RNF2: variants seen among roughly 807,000 people sequenced by gnomAD.
RNF2 encodes the protein ring finger protein 2, also known as E3 ubiquitin-protein ligase RING2.
A neutral mutation model predicts 37.2 loss-of-function variants in RNF2; 6 were observed. The observed-to-expected ratio is 0.16, with a 90% confidence interval of 0.09 to 0.32. RNF2 has a LOEUF of 0.32. RNF2 is among the 10% of genes least tolerant of loss of function. RNF2 has a pLI of 1.00. For synonymous variants in RNF2, 133 were observed against 132.7 expected, an observed-to-expected ratio of 1.00 and a Z score of -0.02; for missense variants, 251 against 404.0, an observed-to-expected ratio of 0.62 and a Z score of 3.25.
At position 185,073,959 on chromosome 1, in the gene RNF2, G is replaced by A. The variant is rs557201991; in HGVS notation, c.-2-13593G>A. Among the ~76,000 whole-genome samples the A allele has an allele frequency of 2.0e-5, 3 of 152,312 alleles. No individual in the cohort carries two copies. In the East Asian group the frequency reaches 5.8e-4, roughly 29 times the overall value. ...ACAAGAGACTGCCTCCACTTCAGAT[G>A]CCATTAAGCCCATGCCTCATGTACT... On this transcript the variant is annotated intron_variant, in intron 1 of 6. Coordinates refer to ENST00000367510, the MANE Select transcript of RNF2 (RefSeq NM_007212.4).
At chr1:185,084,739 A>G (rs1454429325) in intron 1 of RNF2, among the ~76,000 whole-genome samples, 2 of 152,260 alleles carry the variant, frequency 1.3e-5, no homozygotes, top group East Asian at 1.9e-4. Flanking sequence ...ACTAAGCGCA[A>G]TAATTTAGGA....
intron 1 of RNF2, among the ~76,000 whole-genome samples, chr1:185,067,919 C>G (rs1044392848): frequency 6.6e-6 from 1 of 151,264 alleles, no homozygotes; most frequent in Non-Finnish European, 1.5e-5. Flanking sequence ...CCGTGTTGGC[C>G]AGGATGGTCT....
chr1:185,069,131 A>T (rs1192093546), intron 1 of RNF2, among the ~76,000 whole-genome samples: 4 of 152,176 alleles, frequency 2.6e-5, no homozygotes, highest in Non-Finnish European at 5.9e-5. Context: ...GCTATTTATT[A>T]TGAATTCCTC....
At chr1:185,077,502 A>G (rs559508230) in intron 1 of RNF2, among the ~76,000 whole-genome samples, 139 of 152,246 alleles carry the variant, frequency 9.1e-4, no homozygotes, top group Middle Eastern at 6.8e-3. Flanking sequence ...CTAACTTATT[A>G]CGACTTTTAT....
chr1:185,046,255 C>G (rs1413280054), intron 1 of RNF2: 1 of 152,146 alleles, frequency 6.6e-6, no homozygotes, highest in East Asian at 1.9e-4. Context: ...CCTGGAGTGC[C>G]GCCTCCTGCT....
chr1:185,095,267 G>C (rs1354032567), intron 4 of RNF2, among the ~76,000 whole-genome samples: 3 of 152,202 alleles, frequency 2.0e-5, no homozygotes, highest in Admixed American at 2.0e-4. Context: ...CATTTCTAGT[G>C]GTGGGGCTGT....
intron 1 of RNF2, among the ~76,000 whole-genome samples, chr1:185,074,629 T>G (rs575412071): frequency 6.6e-6 from 1 of 152,192 alleles, no homozygotes; most frequent in Admixed American, 6.5e-5. Context: ...CCAGATACAG[T>G]CTGCCTTCCT....
At chr1:185,078,811 A>G (rs1651252941) in intron 1 of RNF2, among the ~76,000 whole-genome samples, 1 of 151,268 alleles carries the variant, frequency 6.6e-6, no homozygotes, top group Non-Finnish European at 1.5e-5. Flanking sequence ...TTGGGAGGCC[A>G]AGGCAGGCGG....
chr1:185,095,000 G>A (rs1651872123), intron 4 of RNF2, among the ~76,000 whole-genome samples: 1 of 152,148 alleles, frequency 6.6e-6, no homozygotes, highest in Admixed American at 6.5e-5. Flanking sequence ...CTGCTTTTAA[G>A]TTTCCATAGA....
chr1:185,058,523 A>G (rs1571296930), intron 1 of RNF2, among the ~76,000 whole-genome samples: 1 of 152,334 alleles, frequency 6.6e-6, no homozygotes, highest in East Asian at 1.9e-4. Flanking sequence ...GTAGAGGGAA[A>G]ACTGTAAAAA....
In RNF2 at chr1:185,101,185, G is replaced by C. The variant is rs1001318840; in HGVS notation, c.*884G>C. The C allele has an allele frequency of 5.9e-5, 9 of 152,396 alleles. No homozygotes were observed. The highest frequency in any genetic ancestry group is 2.1e-4 in the South Asian group (1 of 4,830). 9.4% of individuals were successfully genotyped at this position (152,396 alleles called of 1,614,324 possible). On this transcript the variant is annotated 3_prime_UTR_variant, in exon 7 of 7. Transcript: ENST00000367510. ...TTTTGCACTTTAGCCTTGATGAAAAGTACAAGATATGTTCAAAGCTTCCCT... is the reference window on the plus strand; with the variant it reads ...TTTTGCACTTTAGCCTTGATGAAAACTACAAGATATGTTCAAAGCTTCCCT...
chr1:185,050,979 T>C (rs1650252634), intron 1 of RNF2, among the ~76,000 whole-genome samples: 1 of 152,252 alleles, frequency 6.6e-6, no homozygotes, highest in Non-Finnish European at 1.5e-5. Context: ...CCACTCTTTG[T>C]TGTCTTTTTT....
At chr1:185,074,452 C>G (rs774539153) in intron 1 of RNF2, among the ~76,000 whole-genome samples, 12 of 151,874 alleles carry the variant, frequency 7.9e-5, no homozygotes, top group Non-Finnish European at 1.5e-4. Context: ...TATCTAGGGG[C>G]CCACCTAGAG....
intron 1 of RNF2, among the ~76,000 whole-genome samples, chr1:185,050,811 T>C (rs1015543872): frequency 1.3e-5 from 2 of 152,254 alleles, no homozygotes; most frequent in Non-Finnish European, 2.9e-5. Context: ...GCCAGCAATT[T>C]TGACAGGCAT....
At chr1:185,050,053 AGT>A (rs1471223831) in intron 1 of RNF2, among the ~76,000 whole-genome samples, 1 of 152,234 alleles carries the variant, frequency 6.6e-6, no homozygotes, top group African/African-American at 2.4e-5. Flanking sequence ...CTGGGAGGGT[AGT>A]TTTGGAGTTG....
At chr1:185,052,638 A>G (rs1239327640) in intron 1 of RNF2, among the ~76,000 whole-genome samples, 1 of 152,184 alleles carries the variant, frequency 6.6e-6, no homozygotes, top group East Asian at 1.9e-4. Context: ...GCTGCACAAG[A>G]CTGTGAATGC....
At chr1:185,072,314 T>C (rs1651001709) in intron 1 of RNF2, among the ~76,000 whole-genome samples, 1 of 152,192 alleles carries the variant, frequency 6.6e-6, no homozygotes, top group African/African-American at 2.4e-5. Context: ...AACTCCTCTT[T>C]TTATTTATTC....
rs112474141 is a variant in RNF2, at chr1:185,099,980, T to C, written c.909+18T>C. ...AGTTCACTGTGAGTATTTAAAATAA[T>C]AGACTGTTGAAACTGGGAGCACACT... is the stretch of plus-strand genomic sequence containing the variant. On this transcript the variant is annotated intron_variant, in intron 6 of 6. Coordinates refer to ENST00000367510, the MANE Select transcript of RNF2 (RefSeq NM_007212.4). 23 of 1,598,026 alleles carry C rather than the reference T, an allele frequency of 1.4e-5. No homozygotes were observed. In the African/African-American group the frequency reaches 2.0e-4, roughly 14 times the overall value.
At chr1:185,090,397 C>T (rs899013355) in intron 2 of RNF2, among the ~76,000 whole-genome samples, 1 of 152,180 alleles carries the variant, frequency 6.6e-6, no homozygotes, top group Non-Finnish European at 1.5e-5. Context: ...CTTGATTACT[C>T]TCTGGGTCAT....
Sources: gnomAD v4.1 joint callset for allele counts (sites outside exome capture counted in the v4.1 genomes callset) on GRCh38, gnomAD v4.1.1 for gene constraint, MANE v1.5 for transcripts, NCBI Gene and HGNC (gene_info 2026-07-23, HGNC 2026-07-21) for gene names.